The following KCNAB1 variants were observed in gnomAD, a reference collection of about 807,000 sequenced individuals.
KCNAB1 encodes potassium voltage-gated channel subfamily A regulatory beta subunit 1.
KCNAB1 carries 35 observed loss-of-function variants against 64.6 expected under a neutral mutation model. The observed-to-expected ratio is 0.54, with a 90% CI of 0.41 to 0.72. The LOEUF (loss-of-function observed/expected upper bound fraction) is 0.72. Ranked by LOEUF, KCNAB1 falls within the 30% of genes least tolerant of loss-of-function variation. The pLI is 0.00. For synonymous variants in KCNAB1, 177 were observed against 183.8 expected (o/e 0.96, Z 0.30); for missense variants, 401 against 512.9 (o/e 0.78, Z 2.11).
intron 5 of KCNAB1, among the ~76,000 whole-genome samples, chr3:156,463,494 T>C (rs1016356439): frequency 6.6e-6 from 1 of 152,204 alleles, no homozygotes; most frequent in Non-Finnish European, 1.5e-5. Context: ...ATTCAGCCTC[T>C]TCCTCTAGGA....
chr3:156,387,495 T>C lies in KCNAB1; in HGVS notation c.276-34121T>C, dbSNP rs553643786. Among the ~76,000 whole-genome samples the C allele has an allele frequency of 4.4e-4, 67 of 152,318 alleles. 2 individuals are homozygous for C. The highest frequency in any genetic ancestry group is 1.6e-3 in the African/African-American group (65 of 41,564). ...ATTATTTAGTATAATTTTAAAACAT[T>C]TTTGTTGGCTGCATATATTCCATTA... On this transcript the variant is annotated intron_variant, in intron 1 of 13. Coordinates refer to ENST00000490337, the MANE Select transcript of KCNAB1 (RefSeq NM_172160.3).
chr3:156,357,360 G>T (rs1442521699), intron 1 of KCNAB1, among the ~76,000 whole-genome samples: 2 of 152,160 alleles, frequency 1.3e-5, no homozygotes, highest in Non-Finnish European at 2.9e-5. Flanking sequence ...CATAATTTTT[G>T]AGCTGTAAGA....
chr3:156,439,355 G>A (rs1716835903), intron 2 of KCNAB1, among the ~76,000 whole-genome samples: 2 of 151,652 alleles, frequency 1.3e-5, no homozygotes, highest in African/African-American at 4.8e-5. Context: ...CGTGTTGGAA[G>A]GAAGATGAAA....
At chr3:156,242,955 G>A (rs928590495) in intron 1 of KCNAB1, among the ~76,000 whole-genome samples, 2 of 151,922 alleles carry the variant, frequency 1.3e-5, no homozygotes, top group Admixed American at 6.5e-5. Flanking sequence ...TGTCACCCAA[G>A]CTGGAGTGCA....
At chr3:156,136,238 A>G (rs1448962176) in intron 1 of KCNAB1, among the ~76,000 whole-genome samples, 1 of 152,240 alleles carries the variant, frequency 6.6e-6, no homozygotes, top group Non-Finnish European at 1.5e-5. Context: ...TTATTGAGCC[A>G]TTTATTCTGT....
At chr3:156,348,315 A>C (rs901728997) in intron 1 of KCNAB1, among the ~76,000 whole-genome samples, 3 of 152,206 alleles carry the variant, frequency 2.0e-5, no homozygotes, top group Admixed American at 1.3e-4. Flanking sequence ...GATGCAGAAG[A>C]AGCAGACCAG....
upstream of KCNAB1, among the ~76,000 whole-genome samples, chr3:156,118,603 T>C (rs185873632): frequency 6.6e-6 from 1 of 152,170 alleles, no homozygotes; most frequent in Non-Finnish European, 1.5e-5. Flanking sequence ...ATATGGGAGT[T>C]AAGAAATTTG....
At chr3:156,355,368 T>A (rs1725163659) in intron 1 of KCNAB1, among the ~76,000 whole-genome samples, 1 of 152,204 alleles carries the variant, frequency 6.6e-6, no homozygotes, top group African/African-American at 2.4e-5. Flanking sequence ...TGCTTGCAAG[T>A]CCTCTGAGAG....
At chr3:156,395,757 G>T (rs73019921) in intron 1 of KCNAB1, among the ~76,000 whole-genome samples, 3,994 of 151,800 alleles carry the variant, frequency 0.026, 171 homozygotes, top group African/African-American at 0.09. Flanking sequence ...TGGGTAGCTC[G>T]CTCTCTTTGG....
intron 1 of KCNAB1, among the ~76,000 whole-genome samples, chr3:156,182,676 A>G (rs1577682401): frequency 1.4e-5 from 2 of 142,840 alleles, no homozygotes; most frequent in South Asian, 2.3e-4. Context: ...CCAACAAGGT[A>G]TCTTCCTAAA....
chr3:156,208,134 T>C (rs1666554037), intron 1 of KCNAB1, among the ~76,000 whole-genome samples: 1 of 152,184 alleles, frequency 6.6e-6, no homozygotes, highest in Non-Finnish European at 1.5e-5. Context: ...GCTATATCCT[T>C]GTCTAATTCT....
At chr3:156,386,945 G>GGAGGATCT (rs1712641651) in intron 1 of KCNAB1, among the ~76,000 whole-genome samples, 1 of 149,808 alleles carries the variant, frequency 6.7e-6, no homozygotes, top group South Asian at 2.1e-4. Context: ...TGCTGATCCT[G>GGAGGATCT]GAGGATCTGA....
intron 1 of KCNAB1, among the ~76,000 whole-genome samples, chr3:156,278,150 TA>T (rs1719456407): frequency 6.6e-6 from 1 of 152,198 alleles, no homozygotes; most frequent in Admixed American, 6.5e-5. Context: ...CGCCTATTTA[TA>T]AAAATATATT....
chr3:156,175,496 T>C (rs1712296524), intron 1 of KCNAB1, among the ~76,000 whole-genome samples: 1 of 152,132 alleles, frequency 6.6e-6, no homozygotes, highest in Admixed American at 6.5e-5. Flanking sequence ...GGCAGGTGCC[T>C]GTAGTCCCAG....
At chr3:156,256,841 A>T (rs66901908) in intron 1 of KCNAB1, among the ~76,000 whole-genome samples, 1 of 151,996 alleles carries the variant, frequency 6.6e-6, no homozygotes, top group Non-Finnish European at 1.5e-5. Flanking sequence ...AGGAGATTGG[A>T]GGAAGGTAGG....
intron 1 of KCNAB1, among the ~76,000 whole-genome samples, chr3:156,345,355 C>CA (rs1724417477): frequency 6.6e-6 from 1 of 152,142 alleles, no homozygotes; most frequent in African/African-American, 2.4e-5. Flanking sequence ...AGGAAAAACT[C>CA]AAATAGCCTG....
At chr3:156,402,207 G>A (rs1713955915) in intron 1 of KCNAB1, among the ~76,000 whole-genome samples, 1 of 151,256 alleles carries the variant, frequency 6.6e-6, no homozygotes, top group African/African-American at 2.4e-5. Flanking sequence ...AACATATTAA[G>A]AAATGCAACA....
chr3:156,511,458 A>C (rs1349804999), intron 8 of KCNAB1, among the ~76,000 whole-genome samples: 1 of 152,148 alleles, frequency 6.6e-6, no homozygotes, highest in African/African-American at 2.4e-5. Context: ...TGTCCAAAGA[A>C]GAACCCTCGA....
intron 1 of KCNAB1, among the ~76,000 whole-genome samples, chr3:156,296,228 G>A (rs995344041): frequency 1.3e-5 from 2 of 152,086 alleles, no homozygotes; most frequent in African/African-American, 4.8e-5. Flanking sequence ...GGCACATTGG[G>A]TTGTTTTTGT....
Sources: allele counts gnomAD v4.1 joint callset (sites outside exome capture counted in the v4.1 genomes callset), GRCh38; gene constraint gnomAD v4.1.1; transcripts MANE v1.5; gene names NCBI Gene and HGNC (gene_info 2026-07-23, HGNC 2026-07-21).